ELOC: variants seen among roughly 807,000 people sequenced by gnomAD.
The protein encoded by ELOC is elongin C.
For missense variants in ELOC, 38 were observed against 139.0 expected (o/e 0.27, Z 3.65); for synonymous variants, 40 against 51.3 (o/e 0.78, Z 0.94).
chr8:73,965,616 T>C (rs925158761), intron 1 of ELOC, among the ~76,000 whole-genome samples: 3 of 152,198 alleles, frequency 2.0e-5, no homozygotes, highest in Non-Finnish European at 2.9e-5. Context: ...GAGAGGAACA[T>C]TCTGGAGTGA....
intron 2 of ELOC, among the ~76,000 whole-genome samples, 199 bp from the exon 3 acceptor site, chr8:73,956,253 C>T (rs1032463206): frequency 1.3e-5 from 2 of 151,912 alleles, no homozygotes; most frequent in Non-Finnish European, 2.9e-5. Flanking sequence ...TGTGTGGTGG[C>T]GCACACATGT....
At chr8:73,970,877 A>C (rs1458934445) in intron 1 of ELOC, among the ~76,000 whole-genome samples, 5 of 149,934 alleles carry the variant, frequency 3.3e-5, no homozygotes, top group Admixed American at 2.7e-4. Context: ...AACAAAAAAA[A>C]AACAAAATTA....
chr8:73,951,997 A>C (rs1249936368), intron 3 of ELOC, among the ~76,000 whole-genome samples: 2 of 152,222 alleles, frequency 1.3e-5, no homozygotes, highest in Non-Finnish European at 2.9e-5. Context: ...TTCACAGCAT[A>C]AACAAAAATT....
rs1035299085 is a variant in ELOC, at chr8:73,945,192, A to G, written c.*1438T>C. 2 of 136,490 alleles carry G rather than the reference A, an allele frequency of 1.5e-5. No homozygotes were observed. The highest frequency in any genetic ancestry group is 5.6e-5 in the African/African-American group (2 of 35,668). 8.5% of individuals were successfully genotyped at this position (136,490 alleles called of 1,614,324 possible). The stretch of plus-strand genomic sequence containing the variant: ...GAGTGCAGTGGTGCGATCTCGGCTC[A>G]CTGCCACCTCCACCTCCCAGGTTCA... On this transcript the variant is annotated 3_prime_UTR_variant, in exon 4 of 4. Coordinates refer to ENST00000520242, the MANE Select transcript of ELOC (RefSeq NM_005648.4).
chr8:73,960,016 C>A (rs1293440854), intron 1 of ELOC, among the ~76,000 whole-genome samples, 198 bp from the exon 2 acceptor site: 2 of 152,144 alleles, frequency 1.3e-5, no homozygotes, highest in Admixed American at 1.3e-4. Context: ...TGAGCTTGAT[C>A]AGTTGGCACT....
chr8:73,966,703 A>T (rs1307742087), intron 1 of ELOC, among the ~76,000 whole-genome samples: 1 of 149,812 alleles, frequency 6.7e-6, no homozygotes, highest in Non-Finnish European at 1.5e-5. Context: ...CCAACTTCTG[A>T]GCTCAAGTAA....
chr8:73,947,675 G>C (rs887287146), intron 3 of ELOC, among the ~76,000 whole-genome samples: 2 of 151,480 alleles, frequency 1.3e-5, no homozygotes, highest in African/African-American at 4.9e-5. Context: ...CTGGGCTCAA[G>C]TGATCCTCCC....
chr8:73,960,660 G>A (rs766559742), intron 1 of ELOC, among the ~76,000 whole-genome samples: 1 of 152,174 alleles, frequency 6.6e-6, no homozygotes, highest in African/African-American at 2.4e-5. Context: ...CCTTGCTATG[G>A]TACACATGCT....
chr8:73,954,651 CAA>C (rs547357092), intron 3 of ELOC, among the ~76,000 whole-genome samples: 52 of 106,420 alleles, frequency 4.9e-4, no homozygotes, highest in Admixed American at 4.6e-4. Flanking sequence ...GACTCCGTCT[CAA>C]AAAAAAAAAA....
At chr8:73,961,871 G>T in intron 1 of ELOC, among the ~76,000 whole-genome samples, 1 of 152,032 alleles carries the variant, frequency 6.6e-6, no homozygotes, top group Admixed American at 6.5e-5. Context: ...GGTAAACACT[G>T]TACTAAATGC....
chr8:73,960,392 A>G (rs1208487161), intron 1 of ELOC, among the ~76,000 whole-genome samples: 4 of 152,284 alleles, frequency 2.6e-5, no homozygotes, highest in South Asian at 4.1e-4. Flanking sequence ...GCTATTCTTC[A>G]TGGGTCCTGG....
intron 1 of ELOC, among the ~76,000 whole-genome samples, chr8:73,962,410 T>C (rs1466619900): frequency 1.3e-5 from 2 of 152,332 alleles, no homozygotes; most frequent in African/African-American, 4.8e-5. Context: ...TTAAACTTAA[T>C]TGCCACAATT....
In ELOC at chr8:73,959,774, T is replaced by C; in HGVS notation, c.-6A>G. The C allele has an allele frequency of 6.4e-7, 1 of 1,553,710 alleles. No homozygotes were observed. Among genetic ancestry groups the C allele is most frequent in the African/African-American group, 1.4e-5 (1 of 72,406 alleles). On this transcript the variant is annotated 5_prime_UTR_variant, in exon 2 of 4. Transcript: ENST00000520242. ...ATTATCTTTAGCTTACCCATTTTGTTCTTATGAAATTCTACTTTGCTTCCC... is the reference window on the plus strand; with the variant it reads ...ATTATCTTTAGCTTACCCATTTTGTCCTTATGAAATTCTACTTTGCTTCCC...
At chr8:73,964,994 T>C (rs533081170) in intron 1 of ELOC, among the ~76,000 whole-genome samples, 28 of 140,060 alleles carry the variant, frequency 2.0e-4, no homozygotes, top group Non-Finnish European at 3.6e-4. Context: ...TTCCACTGCA[T>C]TCCAGCCTGA....
intron 1 of ELOC, chr8:73,971,845 T>G (rs933170874): frequency 4.6e-5 from 7 of 152,212 alleles, no homozygotes; most frequent in African/African-American, 1.7e-4. Flanking sequence ...CTGCTGCCCC[T>G]CCTTCCACCT....
intron 2 of ELOC, among the ~76,000 whole-genome samples, chr8:73,958,142 C>G (rs1814336606): frequency 6.8e-6 from 1 of 146,104 alleles, no homozygotes; most frequent in Non-Finnish European, 1.5e-5. Context: ...GTTACCCAGG[C>G]TGGAGTGCAG....
At chr8:73,957,656 A>G (rs1236147297) in intron 2 of ELOC, among the ~76,000 whole-genome samples, 1 of 152,226 alleles carries the variant, frequency 6.6e-6, no homozygotes, top group Non-Finnish European at 1.5e-5. Flanking sequence ...AAACAACCAG[A>G]CAAATTAAAA....
intron 1 of ELOC, among the ~76,000 whole-genome samples, chr8:73,967,024 A>G (rs1228291662): frequency 6.6e-6 from 1 of 152,234 alleles, no homozygotes; most frequent in African/African-American, 2.4e-5. Flanking sequence ...AGGATAATAC[A>G]GCATCTACCT....
intron 1 of ELOC, among the ~76,000 whole-genome samples, chr8:73,970,172 G>A (rs946926329): frequency 1.3e-5 from 2 of 152,154 alleles, no homozygotes; most frequent in African/African-American, 4.8e-5. Context: ...AGCCCAGGAG[G>A]TTGAGGCTAG....
Sources: allele counts gnomAD v4.1 joint callset (sites outside exome capture counted in the v4.1 genomes callset), GRCh38; gene constraint gnomAD v4.1.1; transcripts MANE v1.5; gene names NCBI Gene and HGNC (gene_info 2026-07-23, HGNC 2026-07-21).